PDE1A: variants seen among roughly 807,000 people sequenced by gnomAD.
PDE1A encodes the protein phosphodiesterase 1A.
Under a neutral mutation model 61.7 loss-of-function variants are expected in PDE1A, and 35 were observed. The ratio of observed to expected loss-of-function variants is 0.57; its 90% confidence interval spans 0.43 to 0.75. The LOEUF is 0.75. PDE1A is among the 30% of genes least tolerant of loss of function. The pLI, the probability that PDE1A is intolerant of heterozygous loss-of-function variation, is 0.00. For synonymous variants in PDE1A, 232 were observed against 213.2 expected (o/e 1.09, Z -0.77); for missense variants, 597 against 630.6 (o/e 0.95, Z 0.57).
chr2:182,694,834 G>A, the PDE1A span, among the ~76,000 whole-genome samples: 25 of 138,120 alleles, frequency 1.8e-4, no homozygotes, highest in East Asian at 4.6e-4. Context: ...GTGGGGGGGG[G>A]GCAACAGTTG....
chr2:182,164,139 A>G (rs565831419), downstream of PDE1A, among the ~76,000 whole-genome samples: 3 of 152,302 alleles, frequency 2.0e-5, no homozygotes, highest in South Asian at 6.2e-4. Flanking sequence ...TTGGGGAGAC[A>G]CAGCAGTATT....
At chr2:182,394,276 A>G (rs930852450) in intron 1 of PDE1A, among the ~76,000 whole-genome samples, 3 of 152,110 alleles carry the variant, frequency 2.0e-5, no homozygotes, top group African/African-American at 7.2e-5. Flanking sequence ...GTTGAAGGAG[A>G]AGTAAAGGCA....
the PDE1A span, among the ~76,000 whole-genome samples, chr2:182,554,566 T>C: frequency 6.6e-6 from 1 of 152,204 alleles, no homozygotes; most frequent in East Asian, 1.9e-4. Context: ...GAGTTCCTAT[T>C]TCATTGCTTC....
At chr2:182,147,127 T>C (rs1690537628) in exon 14 of PDE1A, 1 of 1,603,554 alleles carries the variant, frequency 6.2e-7, no homozygotes, top group Non-Finnish European at 8.5e-7. Flanking sequence ...CTAAGTCTTC[T>C]GAGTTCTTAT....
At chr2:182,491,153 C>G (rs973992990) in intron 2 of PDE1A, among the ~76,000 whole-genome samples, 4 of 152,122 alleles carry the variant, frequency 2.6e-5, no homozygotes, top group Non-Finnish European at 4.4e-5. Context: ...TGGTGGACAA[C>G]AAATAGGGTG....
the PDE1A span, among the ~76,000 whole-genome samples, chr2:182,552,439 G>GTTTTTTTTTTTTTTTTTTTTTTTTTT: frequency 1.6e-5 from 2 of 122,890 alleles, no homozygotes; most frequent in Non-Finnish European, 3.4e-5. Context: ...GCTACACAAA[G>GTTTTTTTTTTTTTTTTTTTTTTTTTT]TTTTTTTTTT....
At chr2:182,242,017 G>GC in intron 2 of PDE1A, 3 of 1,409,734 alleles carry the variant, frequency 2.1e-6, no homozygotes, top group South Asian at 1.7e-5. Flanking sequence ...CTCTTATGCA[G>GC]TGATCAGATA....
chr2:182,177,514 G>A (rs1684368755), intron 13 of PDE1A, among the ~76,000 whole-genome samples: 1 of 152,098 alleles, frequency 6.6e-6, no homozygotes, highest in African/African-American at 2.4e-5. Context: ...TTATTAAATA[G>A]GGAATCCTTT....
chr2:182,584,164 C>T, the PDE1A span, among the ~76,000 whole-genome samples: 2 of 150,252 alleles, frequency 1.3e-5, no homozygotes, highest in Non-Finnish European at 2.9e-5. Flanking sequence ...AATCTGAATT[C>T]TAGTTCTACT....
the PDE1A span, among the ~76,000 whole-genome samples, chr2:182,534,872 C>T: frequency 2.0e-5 from 3 of 151,916 alleles, no homozygotes; most frequent in Non-Finnish European, 4.4e-5. Flanking sequence ...ATATCCAACA[C>T]GTATTGACCC....
chr2:182,493,456 G>A (rs1210618761), intron 2 of PDE1A, among the ~76,000 whole-genome samples: 10 of 151,870 alleles, frequency 6.6e-5, no homozygotes, highest in Non-Finnish European at 1.2e-4. Context: ...GACAGGCCCC[G>A]GTGTGTGATG....
intron 1 of PDE1A, among the ~76,000 whole-genome samples, chr2:182,408,558 TG>T (rs1702434255): frequency 6.6e-6 from 1 of 152,192 alleles, no homozygotes; most frequent in South Asian, 2.1e-4. Context: ...TCAGGGTCTT[TG>T]GGCAGTAATT....
At chr2:182,314,833 A>C (rs980284274) in intron 1 of PDE1A, among the ~76,000 whole-genome samples, 1 of 152,200 alleles carries the variant, frequency 6.6e-6, no homozygotes, top group African/African-American at 2.4e-5. Context: ...GCAATGTATT[A>C]TATGTTAATT....
chr2:182,691,417 C>T, the PDE1A span, among the ~76,000 whole-genome samples: 1 of 152,146 alleles, frequency 6.6e-6, no homozygotes, highest in African/African-American at 2.4e-5. Flanking sequence ...CTGACAAAAA[C>T]AAGAAATAGG....
At chr2:182,710,037 C>T in the PDE1A span, among the ~76,000 whole-genome samples, 1 of 152,142 alleles carries the variant, frequency 6.6e-6, no homozygotes, top group Non-Finnish European at 1.5e-5. Flanking sequence ...GCTGGGATTA[C>T]AGGCACACAC....
intron 1 of PDE1A, among the ~76,000 whole-genome samples, chr2:182,328,903 T>G (rs761141841): frequency 5.9e-5 from 9 of 152,176 alleles, no homozygotes; most frequent in Non-Finnish European, 2.9e-5. Context: ...GCAAGAGCTT[T>G]TAACCTGGGC....
intron 1 of PDE1A, among the ~76,000 whole-genome samples, chr2:182,369,742 G>A (rs1182952381): frequency 6.6e-6 from 1 of 152,088 alleles, no homozygotes; most frequent in Non-Finnish European, 1.5e-5. Context: ...GAGAACTAAA[G>A]CCAAATTGCA....
chr2:182,398,280 A>G (rs1305585307), intron 1 of PDE1A, among the ~76,000 whole-genome samples: 2 of 152,002 alleles, frequency 1.3e-5, no homozygotes, highest in African/African-American at 4.8e-5. Flanking sequence ...ATATCCATGA[A>G]TTACAACGCA....
intron 2 of PDE1A, among the ~76,000 whole-genome samples, chr2:182,505,148 A>T (rs1689326767): frequency 6.6e-6 from 1 of 152,246 alleles, no homozygotes; most frequent in African/African-American, 2.4e-5. Context: ...GCAAGGCCAC[A>T]TGAGGCCAGA....
Sources: gnomAD v4.1 joint callset for allele counts (sites outside exome capture counted in the v4.1 genomes callset) on GRCh38, gnomAD v4.1.1 for gene constraint, MANE v1.5 for transcripts, NCBI Gene and HGNC (gene_info 2026-07-23, HGNC 2026-07-21) for gene names.